NDEL1: variants seen among roughly 807,000 people sequenced by gnomAD.
The protein encoded by NDEL1 is nuclear distribution protein nudE-like 1.
Under a neutral mutation model 45.7 loss-of-function variants are expected in NDEL1, and 9 were observed. The observed-to-expected ratio is 0.20, with a 90% CI of 0.12 to 0.34. The LOEUF (loss-of-function observed/expected upper bound fraction) is 0.34. Ranked by LOEUF, NDEL1 falls within the 10% of genes least tolerant of loss-of-function variation. The pLI is 1.00. For missense variants in NDEL1, 306 were observed against 406.2 expected (o/e 0.75, Z 2.12); for synonymous variants, 133 against 158.6 (o/e 0.84, Z 1.21).
chr17:8,436,701 G>A (rs987897364), intron 1 of NDEL1: 2 of 152,240 alleles, frequency 1.3e-5, no homozygotes, highest in Non-Finnish European at 2.9e-5. Context: ...GGAGGTGAGA[G>A]TTCTGTCACC....
At chr17:8,430,157 A>G (rs1021858132) in intron 1 of NDEL1, among the ~76,000 whole-genome samples, 2 of 152,190 alleles carry the variant, frequency 1.3e-5, no homozygotes, top group Non-Finnish European at 2.9e-5. Flanking sequence ...GGGGCAAAGG[A>G]AAATCTGTTT....
At position 8,452,978 on chromosome 17, in the gene NDEL1, A is replaced by ACC. The variant is rs1597546349; in HGVS notation, c.701-1818_701-1817insCC. On this transcript the variant is annotated intron_variant, in intron 6 of 8. Transcript: ENST00000334527. ...AGTCTCAAACTCCTGACCTCAGGTG[A>ACC]TCCACCCACCTCAGCCTCCCAAAGT... Among the ~76,000 whole-genome samples, 3 of 151,838 alleles carry ACC rather than the reference A, an allele frequency of 2.0e-5. No homozygotes were observed. The East Asian group carries it at 5.8e-4, about 29-fold the overall frequency.
chr17:8,427,034 C>T (rs370016572), intron 1 of NDEL1, among the ~76,000 whole-genome samples: 1 of 152,150 alleles, frequency 6.6e-6, no homozygotes, highest in African/African-American at 2.4e-5. Context: ...AGAAGCAGGC[C>T]GCATTCTCAG....
intron 1 of NDEL1, among the ~76,000 whole-genome samples, chr17:8,430,096 A>G (rs1256499884): frequency 6.6e-6 from 1 of 152,080 alleles, no homozygotes; most frequent in African/African-American, 2.4e-5. Flanking sequence ...CACTGACTGG[A>G]ATGATGGCAC....
At chr17:8,422,297 C>T (rs1476257674) in intron 1 of NDEL1, among the ~76,000 whole-genome samples, 1 of 152,154 alleles carries the variant, frequency 6.6e-6, no homozygotes, top group Non-Finnish European at 1.5e-5. Context: ...CCCTGCCTCT[C>T]CCCTCCACCC....
chr17:8,413,964 A>G (rs559354536), intron 1 of NDEL1, among the ~76,000 whole-genome samples: 1 of 152,336 alleles, frequency 6.6e-6, no homozygotes, highest in Admixed American at 6.5e-5. Flanking sequence ...GTGTTTGCAT[A>G]ATTCTATCTC....
At chr17:8,458,873 C>A (rs1406548183) in intron 7 of NDEL1, among the ~76,000 whole-genome samples, 3 of 152,058 alleles carry the variant, frequency 2.0e-5, no homozygotes, top group African/African-American at 7.2e-5. Context: ...ATTACAGGTG[C>A]ATGCCACCAC....
intron 7 of NDEL1, among the ~76,000 whole-genome samples, chr17:8,458,236 T>C (rs1323966735): frequency 6.6e-6 from 1 of 152,126 alleles, no homozygotes; most frequent in African/African-American, 2.4e-5. Flanking sequence ...CTCCCAACTT[T>C]CTTTCCATTC....
chr17:8,435,197 C>T (rs1036123101), upstream of NDEL1, among the ~76,000 whole-genome samples: 2 of 152,108 alleles, frequency 1.3e-5, no homozygotes, highest in African/African-American at 4.8e-5. Flanking sequence ...CACACGTACA[C>T]GCATGTATAC....
chr17:8,445,047 A>C (rs1333867925), intron 2 of NDEL1: 1 of 152,234 alleles, frequency 6.6e-6, no homozygotes, highest in East Asian at 1.9e-4. Context: ...AAAGGTGTGT[A>C]TCTATGGCAG....
intron 5 of NDEL1, among the ~76,000 whole-genome samples, chr17:8,450,303 A>T (rs1442297267): frequency 1.3e-5 from 2 of 151,286 alleles, no homozygotes; most frequent in Non-Finnish European, 3.0e-5. Context: ...AAAAAAAAAA[A>T]CGCTCAATAT....
At chr17:8,446,984 A>C in intron 4 of NDEL1, 82 bp downstream of exon 4, 2 of 1,490,658 alleles carry the variant, frequency 1.3e-6, no homozygotes, top group East Asian at 4.9e-5. Flanking sequence ...CTTCCCCTAG[A>C]TCTTAGTCCC....
Position 8,467,110 on chromosome 17 carries a change from C to T in NDEL1, c.*87C>T, listed in dbSNP as rs574181699. 29 of 1,335,348 alleles carry T rather than the reference C, an allele frequency of 2.2e-5. No homozygotes were observed. In the African/African-American group the frequency reaches 2.4e-4, roughly 11 times the overall value. The allele number at this position is 1,335,348 out of a possible 1,614,324, so 82.7% of individuals were successfully genotyped here. A position where few individuals can be genotyped will look rare whatever the true frequency, so the allele number is the denominator to read the frequency against. On this transcript the variant is annotated 3_prime_UTR_variant, in exon 9 of 9. Coordinates refer to ENST00000334527, the MANE Select transcript of NDEL1 (RefSeq NM_030808.5). This position sits in a 1 kb window ranked among gnomAD's most constrained non-coding sequence, Gnocchi z 6.3. Reference sequence around the variant, plus strand: ...ACCCCTCGGTGCCTGGGCCCAGCCCCGTGCCCCTCCGTCTGCCTCCGCACG... The same window carrying T: ...ACCCCTCGGTGCCTGGGCCCAGCCCTGTGCCCCTCCGTCTGCCTCCGCACG...
In NDEL1 at chr17:8,453,002, G is replaced by T. The variant is rs188301250; in HGVS notation, c.701-1794G>T. Reference sequence around the variant, plus strand: ...GATCCACCCACCTCAGCCTCCCAAAGTGCTGAGAGTACAGGCATGAGCCAC... The same window carrying T: ...GATCCACCCACCTCAGCCTCCCAAATTGCTGAGAGTACAGGCATGAGCCAC... On this transcript the variant is annotated intron_variant, in intron 6 of 8. Transcript: ENST00000334527. Among the ~76,000 whole-genome samples, 3 of 152,186 alleles carry T rather than the reference G, an allele frequency of 2.0e-5. No individual in the cohort carries two copies. The East Asian group carries it at 5.8e-4, about 29-fold the overall frequency.
intron 8 of NDEL1, chr17:8,463,289 C>A (rs1166696192): frequency 6.3e-7 from 1 of 1,580,946 alleles, no homozygotes; most frequent in African/African-American, 1.3e-5. Context: ...ATTCGTATTA[C>A]TGTTTAATAT....
intron 8 of NDEL1, chr17:8,466,608 C>A: frequency 3.6e-6 from 1 of 278,254 alleles, no homozygotes. Flanking sequence ...TTCAGTTGTA[C>A]CATTATTTAT....
chr17:8,459,916 T>G, intron 7 of NDEL1, 93 bp from the exon 8 acceptor site: 1 of 1,348,294 alleles, frequency 7.4e-7, no homozygotes, highest in South Asian at 1.4e-5. Context: ...GATGAGTAAG[T>G]TTTGAGGCTT....
At chr17:8,445,685 GTC>G (rs1156392448) in intron 2 of NDEL1, 24 bp from the exon 3 acceptor site, 1 of 1,582,634 alleles carries the variant, frequency 6.3e-7, no homozygotes, top group East Asian at 2.3e-5. Flanking sequence ...AGTGTAACTC[GTC>G]TTTCCCACTT....
chr17:8,417,863 ACCT>A (rs752041437), intron 1 of NDEL1, among the ~76,000 whole-genome samples: 1 of 152,006 alleles, frequency 6.6e-6, no homozygotes, highest in Non-Finnish European at 1.5e-5. Flanking sequence ...CAGAAAGCAA[ACCT>A]CCTTCTCCTG....
Sources: gnomAD v4.1 joint callset for allele counts (sites outside exome capture counted in the v4.1 genomes callset) on GRCh38, gnomAD v4.1.1 for gene constraint, Gnocchi (gnomAD v3.1) non-coding constraint, MANE v1.5 for transcripts, NCBI Gene and HGNC (gene_info 2026-07-23, HGNC 2026-07-21) for gene names.